The following FANCI variants were observed in gnomAD, a reference collection of about 807,000 sequenced individuals.
FANCI encodes the protein FA complementation group I.
Under a neutral mutation model 176.1 loss-of-function variants are expected in FANCI, and 156 were observed. The ratio of observed to expected loss-of-function variants is 0.89; its 90% CI spans 0.78 to 1.01. FANCI has a LOEUF of 1.01. FANCI is among the 50% of genes least tolerant of loss of function. The pLI, the probability that FANCI is intolerant of heterozygous loss-of-function variation, is 0.00. For synonymous variants in FANCI, 613 were observed against 541.7 expected (o/e 1.13, Z -1.83); for missense variants, 1,678 against 1,534.1 (o/e 1.09, Z -1.57).
At chr15:89,252,960 C>T (rs1038140359) in intron 2 of FANCI, among the ~76,000 whole-genome samples, 6 of 152,134 alleles carry the variant, frequency 3.9e-5, no homozygotes, top group Admixed American at 3.3e-4. Flanking sequence ...CTGCAAAATT[C>T]ATATAGCAAA....
intron 6 of FANCI, among the ~76,000 whole-genome samples, chr15:89,262,122 GTGTTAAGATACACATAATT>G (rs1220822152): frequency 6.6e-6 from 1 of 152,128 alleles, no homozygotes; most frequent in Non-Finnish European, 1.5e-5. Flanking sequence ...GCAATTTAGT[GTGTTAAGATACACATAATT>G]AAATGTTAAT....
Position 89,258,705 on chromosome 15 carries a change from T to G in FANCI, c.86T>G (p.Leu29Trp). ...EFLQTLREGD[L>W]TNLLQNQAVK... is the part of the protein sequence containing the mutation. ...TTGTACCTTTTTCTTTCTTTGCAGT[T>G]GACTAATCTCCTTCAGAATCAAGCA... The change falls in exon 3 of 38, where the codon TTG becomes TGG. Residue 29 changes from leucine (L) to tryptophan (W), a missense_variant and splice_region_variant. Transcript: ENST00000310775. 1 of 1,612,956 alleles carries G rather than the reference T, an allele frequency of 6.2e-7. No individual in the cohort carries two copies.
chr15:89,316,212 C>G, intron 37 of FANCI, 185 bp from the exon 38 acceptor site: 2 of 651,206 alleles, frequency 3.1e-6, no homozygotes, highest in Admixed American at 2.7e-5. Flanking sequence ...TCTTATTACT[C>G]TACACTTTGG....
At chr15:89,276,241 G>C (rs960217070) in intron 12 of FANCI, among the ~76,000 whole-genome samples, 1 of 152,182 alleles carries the variant, frequency 6.6e-6, no homozygotes, top group African/African-American at 2.4e-5. Context: ...TCCATTTATA[G>C]TATAAATATC....
chr15:89,260,888 G>A (rs2052685127), intron 4 of FANCI, 45 bp downstream of exon 4: 2 of 1,607,104 alleles, frequency 1.2e-6, no homozygotes, highest in Non-Finnish European at 1.7e-6. Context: ...AGGTTTTTGA[G>A]GGTTTGTAAT....
At chr15:89,295,752 T>C in intron 24 of FANCI, among the ~76,000 whole-genome samples, 1 of 144,820 alleles carries the variant, frequency 6.9e-6, no homozygotes, top group South Asian at 2.4e-4. Flanking sequence ...CCTTTTTTTT[T>C]TTGTTGTTGT....
Position 89,276,848 on chromosome 15 carries a change from A to C in FANCI, c.1250A>C (p.His417Pro). The change falls in exon 13 of 38, where the codon CAT (histidine) becomes CCT (proline). Residue 417 changes from histidine to proline, a missense_variant. Around this residue, in one of 3 missense-constraint regions of FANCI, gnomAD observed 1,204 missense variants for 1,077.4 expected, o/e 1.12. Transcript: ENST00000310775. ...AGTCTTTCTAGAATGCCAAACCAGC[A>C]TGCATGTAAGCTCGGAGCTAATATC... Reference protein sequence around the residue: ...SPSLSRMPNQHACKLGANILL... With the variant: ...SPSLSRMPNQPACKLGANILL... 1 of 1,614,226 alleles carries C rather than the reference A, an allele frequency of 6.2e-7. No individual in the cohort carries two copies. The highest frequency in any genetic ancestry group is 1.1e-5 in the South Asian group (1 of 91,086).
chr15:89,263,492 A>G (rs770374350), intron 7 of FANCI, 32 bp downstream of exon 7: 3 of 1,561,476 alleles, frequency 1.9e-6, no homozygotes, highest in Non-Finnish European at 2.6e-6. Flanking sequence ...TTCTTTGTGT[A>G]TCCTGCTTTG....
Position 89,260,048 on chromosome 15 carries a change from C to T in FANCI, c.158-665C>T, listed in dbSNP as rs541832086. Among the ~76,000 whole-genome samples the T allele has an allele frequency of 2.7e-5, 4 of 148,430 alleles. No individual in the cohort carries two copies. The South Asian group carries it at 6.4e-4, about 24-fold the overall frequency. On this transcript the variant is annotated intron_variant, in intron 3 of 37. Coordinates refer to ENST00000310775, the MANE Select transcript of FANCI (RefSeq NM_001113378.2). ...AAACTCTTATGTTTAACTGAGAAAC[C>T]GCCAAACTGTTTTCCAATGTGGCTG...
At chr15:89,252,565 C>T (rs1367682486) in intron 2 of FANCI, among the ~76,000 whole-genome samples, 3 of 151,964 alleles carry the variant, frequency 2.0e-5, no homozygotes, top group African/African-American at 4.8e-5. Flanking sequence ...CATGGTGAAA[C>T]CTCAACTCTA....
intron 2 of FANCI, among the ~76,000 whole-genome samples, chr15:89,254,495 A>G (rs1032808786): frequency 2.6e-5 from 4 of 152,224 alleles, no homozygotes; most frequent in Non-Finnish European, 5.9e-5. Context: ...AATAAGTTCA[A>G]TAATGAACCA....
intron 18 of FANCI, among the ~76,000 whole-genome samples, chr15:89,286,977 C>CTT (rs543431700): frequency 4.6e-5 from 4 of 86,042 alleles, no homozygotes; most frequent in African/African-American, 1.9e-4. Context: ...TCACCTTGCA[C>CTT]TTTTTTTTTT....
rs759038909 is a variant in FANCI, at chr15:89,306,111, G to C, written c.3454G>C (p.Ala1152Pro). 1 of 1,614,068 alleles carries C rather than the reference G, an allele frequency of 6.2e-7. No individual in the cohort carries two copies. The change falls in exon 32 of 38, where the codon GCT (alanine) becomes CCT (proline). Residue 1152 changes from alanine (A) to proline (P), a missense_variant. Around this residue, in one of 3 missense-constraint regions of FANCI, gnomAD observed 1,204 missense variants for 1,077.4 expected, o/e 1.12. Transcript: ENST00000310775. ...ATTTTTCCACGAGCTGGTGCAGACA[G>C]CTCTGCCATCAGGCAGCTGTGTGGA... is the stretch of plus-strand genomic sequence containing the variant. ...LTFFHELVQT[A>P]LPSGSCVDTL...
chr15:89,294,510 A>C (rs1315869006), intron 23 of FANCI, among the ~76,000 whole-genome samples: 1 of 152,142 alleles, frequency 6.6e-6, no homozygotes, highest in East Asian at 1.9e-4. Context: ...ACTTGAACCC[A>C]GGAGGCAGAG....
At chr15:89,287,059 C>T (rs919625644) in intron 18 of FANCI, among the ~76,000 whole-genome samples, 2 of 147,812 alleles carry the variant, frequency 1.4e-5, no homozygotes, top group South Asian at 4.3e-4. Context: ...CTGCAACCTC[C>T]GCCACCCAGG....
At chr15:89,291,486 G>T in intron 19 of FANCI, 127 bp from the exon 20 acceptor site, 1 of 781,410 alleles carries the variant, frequency 1.3e-6, no homozygotes, top group Non-Finnish European at 2.2e-6. Flanking sequence ...TGGCTGCATT[G>T]TTCTTTGAAC....
chr15:89,291,082 G>C lies in FANCI; in HGVS notation c.1891-531G>C, dbSNP rs58137787. 3.6e-3 allele frequency among the ~76,000 whole-genome samples: 553 copies of C among 152,278 alleles called. 5 individuals are homozygous for C. The highest frequency in any genetic ancestry group is 0.013 in the African/African-American group (531 of 41,560). On this transcript the variant is annotated intron_variant, in intron 19 of 37. Transcript: ENST00000310775. ...CTGACTCAGGTTAATATGCAGGACAGTAAAATTCTGCAGACTCCAAAAGTT... is the reference window on the plus strand; with the variant it reads ...CTGACTCAGGTTAATATGCAGGACACTAAAATTCTGCAGACTCCAAAAGTT...
At chr15:89,268,234 A>G (rs751855210) in intron 9 of FANCI, among the ~76,000 whole-genome samples, 165 bp from the exon 10 acceptor site, 13 of 152,174 alleles carry the variant, frequency 8.5e-5, no homozygotes, top group Non-Finnish European at 1.3e-4. Flanking sequence ...AGCTGGGACT[A>G]TAGGAATGCC....
chr15:89,259,488 T>C (rs967400813), intron 3 of FANCI: 1 of 152,528 alleles, frequency 6.6e-6, no homozygotes, highest in South Asian at 2.1e-4. Context: ...AAGGAAATAA[T>C]TAAAGATCAA....
Sources: allele counts gnomAD v4.1 joint callset (sites outside exome capture counted in the v4.1 genomes callset), GRCh38; gene constraint gnomAD v4.1.1; regional missense constraint gnomAD v4.1.1; transcripts MANE v1.5; gene names NCBI Gene and HGNC (gene_info 2026-07-23, HGNC 2026-07-21).